The following FUT8 variants were observed in gnomAD, a reference collection of about 807,000 sequenced individuals.
FUT8 encodes fucosyltransferase 8, also known as alpha-(1,6)-fucosyltransferase.
In FUT8, 29 loss-of-function variants were observed where a neutral mutation model predicts 71.3. The observed-to-expected ratio is 0.41, with a 90% CI of 0.30 to 0.55. The LOEUF is 0.55. Ranked by LOEUF, FUT8 falls within the 20% of genes least tolerant of loss-of-function variation. The pLI is 0.34. For missense variants in FUT8, 544 were observed against 702.1 expected (o/e 0.77, Z 2.55); for synonymous variants, 254 against 239.3 (o/e 1.06, Z -0.57).
At chr14:65,733,663 T>G (rs533825272) in intron 10 of FUT8, among the ~76,000 whole-genome samples, 1 of 152,266 alleles carries the variant, frequency 6.6e-6, no homozygotes, top group Admixed American at 6.5e-5. Flanking sequence ...TTCACAGCAT[T>G]TAACAGAAAC....
chr14:65,469,861 T>C (rs894720155), intron 2 of FUT8, among the ~76,000 whole-genome samples: 16 of 152,156 alleles, frequency 1.1e-4, no homozygotes, highest in African/African-American at 3.9e-4. Flanking sequence ...AGTGTGTCAA[T>C]TGGTACATCG....
At position 65,497,722 on chromosome 14, in the gene FUT8, A is replaced by G. The variant is rs181902605; in HGVS notation, c.-228+42004A>G. ...AAAATATTAAAATTTATAAAATACA[A>G]TTTACTTATTTGGAGTATTTTAAAA... is the stretch of plus-strand genomic sequence containing the variant. On this transcript the variant is annotated intron_variant, in intron 2 of 10. Transcript: ENST00000673929. Among the ~76,000 whole-genome samples the G allele has an allele frequency of 1.3e-3, 201 of 152,088 alleles. 1 individual carries two copies. The highest frequency in any genetic ancestry group is 4.6e-3 in the African/African-American group (190 of 41,534).
intron 6 of FUT8, among the ~76,000 whole-genome samples, chr14:65,631,175 C>T (rs865914093): frequency 6.6e-6 from 1 of 152,178 alleles, no homozygotes; most frequent in Non-Finnish European, 1.5e-5. Context: ...GAACCTCACT[C>T]AGTGAACTAT....
intron 9 of FUT8, among the ~76,000 whole-genome samples, chr14:65,729,894 T>C (rs1305000922): frequency 1.3e-5 from 2 of 152,230 alleles, no homozygotes; most frequent in Non-Finnish European, 2.9e-5. Context: ...TAGCCTTTTA[T>C]GCATAATTTT....
At chr14:65,644,576 T>C (rs1185020608) in intron 6 of FUT8, among the ~76,000 whole-genome samples, 1 of 152,114 alleles carries the variant, frequency 6.6e-6, no homozygotes, top group African/African-American at 2.4e-5. Context: ...TTAGCCAGGA[T>C]GGTCTCGATC....
chr14:65,633,591 C>T (rs1431760494), intron 6 of FUT8, among the ~76,000 whole-genome samples: 3 of 151,582 alleles, frequency 2.0e-5, no homozygotes, highest in African/African-American at 7.3e-5. Flanking sequence ...CTCTGCCCGG[C>T]CGCCCATCGT....
At chr14:65,382,524 A>G in the FUT8 span, among the ~76,000 whole-genome samples, 20,964 of 151,828 alleles carry the variant, frequency 0.14, 2,071 homozygotes, top group East Asian at 0.54. Context: ...GTTTTTAGTA[A>G]AGTTGGGATT....
chr14:65,411,897 G>T (rs555600599), upstream of FUT8: 1 of 376,874 alleles, frequency 2.7e-6, no homozygotes, highest in Non-Finnish European at 5.2e-6. Flanking sequence ...GCGCGCTCCG[G>T]TCCTCCCGCT....
chr14:65,692,887 G>C (rs1299951122), intron 7 of FUT8, among the ~76,000 whole-genome samples: 2 of 150,064 alleles, frequency 1.3e-5, no homozygotes, highest in African/African-American at 4.9e-5. Flanking sequence ...GGGCAGAGGC[G>C]CTCCCCACAT....
At chr14:65,432,706 C>T (rs2065495137) in intron 1 of FUT8, among the ~76,000 whole-genome samples, 1 of 152,146 alleles carries the variant, frequency 6.6e-6, no homozygotes, top group South Asian at 2.1e-4. Context: ...ACCAAAATGG[C>T]AATGAGAGTG....
In FUT8 at chr14:65,550,214, G is replaced by A. The variant is rs1040980830; in HGVS notation, c.-227-11123G>A. Among the ~76,000 whole-genome samples, 9 of 152,182 alleles carry A rather than the reference G, an allele frequency of 5.9e-5. No individual in the cohort carries two copies. The highest frequency in any genetic ancestry group is 1.9e-4 in the African/African-American group (8 of 41,430). On this transcript the variant is annotated intron_variant, in intron 2 of 10. Transcript: ENST00000673929. The surrounding 1 kb of genome is among the most constrained non-coding windows in gnomAD (Gnocchi z 4.5). Reference sequence around the variant, plus strand: ...AGGGGGAGCCAGCGTATCACATGGTGAGAAGGGGTGCAAGAGAGAGAAGGG... The same window carrying A: ...AGGGGGAGCCAGCGTATCACATGGTAAGAAGGGGTGCAAGAGAGAGAAGGG...
At position 65,595,641 on chromosome 14, in the gene FUT8, C is replaced by T. The variant is rs180922559; in HGVS notation, c.204-20337C>T. ...TTTTTTTTTTTGAGACGGAGTCTCT[C>T]TCTGTCACCCAGGCTGGAGTGCAGT... is the stretch of plus-strand genomic sequence containing the variant. On this transcript the variant is annotated intron_variant, in intron 3 of 10. Transcript: ENST00000673929. Among the ~76,000 whole-genome samples the T allele has an allele frequency of 4.0e-3, 450 of 113,086 alleles. 6 individuals are homozygous for T. The highest frequency in any genetic ancestry group is 0.015 in the African/African-American group (434 of 29,878). The allele number at this position is 113,086 out of a possible 152,430, so 74.2% of individuals were successfully genotyped here. A position where few individuals can be genotyped will look rare whatever the true frequency, so the allele number is the denominator to read the frequency against.
intron 1 of FUT8, among the ~76,000 whole-genome samples, chr14:65,452,804 A>G (rs1385314725): frequency 1.3e-5 from 2 of 152,208 alleles, no homozygotes; most frequent in Non-Finnish European, 2.9e-5. Context: ...TTCAACAGGT[A>G]TGTCAGGTAG....
At chr14:65,634,510 C>G (rs1300055428) in intron 6 of FUT8, among the ~76,000 whole-genome samples, 1 of 149,494 alleles carries the variant, frequency 6.7e-6, no homozygotes, top group African/African-American at 2.5e-5. Context: ...CACTATTGTC[C>G]TATGACCCTG....
In FUT8 at chr14:65,724,161, G is replaced by A; in HGVS notation, c.1097G>A (p.Arg366His). The change falls in exon 9 of 11, where the codon CGC becomes CAC. Residue 366 changes from arginine to histidine, a missense_variant. Physicochemically the swap from Arg to His is conservative, Grantham distance 29 (BLOSUM62 0). Coordinates refer to ENST00000673929, the MANE Select transcript of FUT8 (RefSeq NM_001371533.1). Reference sequence around the variant, plus strand: ...TTCTCCCCCAGAGTCCATGTCAGACGCACAGACAAAGTGGGAACAGAAGCT... The same window carrying A: ...TTCTCCCCCAGAGTCCATGTCAGACACACAGACAAAGTGGGAACAGAAGCT... Reference protein sequence around the residue: ...KHPVIGVHVRRTDKVGTEAAF... With the variant: ...KHPVIGVHVRHTDKVGTEAAF... The A allele has an allele frequency of 3.1e-6, 5 of 1,594,972 alleles. No individual in the cohort carries two copies. The highest frequency in any genetic ancestry group is 1.1e-5 in the South Asian group (1 of 86,984).
rs1181028656 is a variant in FUT8 at position 65,516,737 on chromosome 14, T to TA, written c.-227-44596dup. On this transcript the variant is annotated intron_variant, in intron 2 of 10. Transcript: ENST00000673929. ...TATACATCCCCCCTTTTTGTTATGG[T>TA]AAAATGTACATAACACAATTCACCA... Among the ~76,000 whole-genome samples the TA allele has an allele frequency of 3.9e-5, 6 of 152,138 alleles. No homozygotes were observed. The East Asian group carries it at 1.2e-3, about 29-fold the overall frequency.
At chr14:65,508,753 C>T (rs567005099) in intron 2 of FUT8, among the ~76,000 whole-genome samples, 1 of 152,160 alleles carries the variant, frequency 6.6e-6, no homozygotes, top group East Asian at 1.9e-4. Flanking sequence ...CCACCCGCTT[C>T]CGCCTCCCAA....
chr14:65,601,143 A>G (rs1422989307), intron 3 of FUT8, among the ~76,000 whole-genome samples: 1 of 152,176 alleles, frequency 6.6e-6, no homozygotes, highest in Non-Finnish European at 1.5e-5. Context: ...TGTGAGTCTG[A>G]AAGTTATAGT....
the FUT8 span, among the ~76,000 whole-genome samples, chr14:65,363,014 T>C: frequency 1.5e-4 from 1 of 6,842 alleles, no homozygotes; most frequent in Non-Finnish European, 2.8e-4. Flanking sequence ...TAAATGAGAC[T>C]CAAAAAAAAA....
Sources: allele counts gnomAD v4.1 joint callset (sites outside exome capture counted in the v4.1 genomes callset), GRCh38; gene constraint gnomAD v4.1.1; non-coding constraint Gnocchi (gnomAD v3.1); transcripts MANE v1.5; gene names NCBI Gene and HGNC (gene_info 2026-07-23, HGNC 2026-07-21).